The following MORC1 variants were observed in gnomAD, a reference collection of about 807,000 sequenced individuals.
MORC1 encodes the protein MORC family CW-type zinc finger 1, also known as MORC family CW-type zinc finger protein 1.
A neutral mutation model predicts 134.9 loss-of-function variants in MORC1; 59 were observed. The ratio of observed to expected loss-of-function variants is 0.44; its 90% CI spans 0.35 to 0.54. MORC1 has a LOEUF of 0.54. Among genes scored for constraint, MORC1 ranks in the 20% least tolerant of loss-of-function variants. The probability of loss-of-function intolerance (pLI) is 0.00; values close to 1 mark genes in which losing one functional copy is unlikely to be tolerated. For missense variants in MORC1, 947 were observed against 1,134.5 expected (o/e 0.83, Z 2.37); for synonymous variants, 395 against 391.7 (o/e 1.01, Z -0.10).
At chr3:109,114,319 T>C (rs1951227446) in intron 2 of MORC1, 65 bp downstream of exon 2, 2 of 1,354,000 alleles carry the variant, frequency 1.5e-6, no homozygotes, top group Non-Finnish European at 1.0e-6. Flanking sequence ...TATCTTCCCA[T>C]GTAATTAGAC....
rs1173555788 is a variant in MORC1 at position 109,072,954 on chromosome 3, CACACACACACAT to C, written c.690-3209_690-3198del. ...CCCTCAACACACACACACACACACA[CACACACACACAT>C]ACACACACACACACACACAGTCACA... is the stretch of plus-strand genomic sequence containing the variant. On this transcript the variant is annotated intron_variant, in intron 8 of 27. Coordinates refer to ENST00000232603, the MANE Select transcript of MORC1 (RefSeq NM_014429.4). Among the ~76,000 whole-genome samples, 460 of 59,384 alleles carry C rather than the reference CACACACACACAT, an allele frequency of 7.7e-3. 3 individuals carry two copies. Among genetic ancestry groups the C allele is most frequent in the African/African-American group, 0.018 (425 of 24,236 alleles). The allele number at this position is 59,384 out of a possible 152,430, so 39.0% of individuals were successfully genotyped here. A position where few individuals can be genotyped will look rare whatever the true frequency, so the allele number is the denominator to read the frequency against.
At chr3:109,032,577 G>C (rs1949265322) in intron 16 of MORC1, 143 bp downstream of exon 16, 1 of 604,350 alleles carries the variant, frequency 1.7e-6, no homozygotes, top group African/African-American at 1.9e-5. Context: ...CTTTGCACAG[G>C]TAGCAGGGCA....
intron 27 of MORC1, among the ~76,000 whole-genome samples, chr3:108,962,839 T>C (rs545411277): frequency 5.3e-5 from 8 of 152,278 alleles, no homozygotes; most frequent in African/African-American, 1.9e-4. Flanking sequence ...CTGACAGTAA[T>C]CCATACTTAC....
chr3:109,093,799 G>A (rs1016580675), intron 7 of MORC1, among the ~76,000 whole-genome samples: 7 of 152,114 alleles, frequency 4.6e-5, no homozygotes, highest in African/African-American at 1.7e-4. Flanking sequence ...TTTCAATGTG[G>A]ATTTTTAAAC....
chr3:109,070,781 T>C (rs1169891227), intron 8 of MORC1, among the ~76,000 whole-genome samples: 2 of 152,140 alleles, frequency 1.3e-5, no homozygotes, highest in Non-Finnish European at 2.9e-5. Context: ...TTTTCGAAAA[T>C]GAAGATGAAG....
intron 4 of MORC1, among the ~76,000 whole-genome samples, chr3:109,103,225 C>T (rs529863998): frequency 5.9e-5 from 9 of 152,268 alleles, no homozygotes; most frequent in Admixed American, 3.3e-4. Flanking sequence ...TAAAACAACC[C>T]AATGCCCTCA....
At chr3:109,026,573 A>G (rs1470460723) in intron 17 of MORC1, among the ~76,000 whole-genome samples, 3 of 152,228 alleles carry the variant, frequency 2.0e-5, no homozygotes, top group Non-Finnish European at 4.4e-5. Context: ...AGAGATGGCA[A>G]TAAAGATGCA....
At chr3:109,102,555 G>C (rs150090249) in intron 4 of MORC1, among the ~76,000 whole-genome samples, 1 of 152,048 alleles carries the variant, frequency 6.6e-6, no homozygotes, top group Admixed American at 6.6e-5. Context: ...TTTGAACAAC[G>C]GATAGATTCT....
Position 109,059,804 on chromosome 3 carries a change from A to G in MORC1, c.1031+2T>C, listed in dbSNP as rs1285376764. On this transcript the variant is annotated splice_donor_variant, in intron 12 of 27. Coordinates refer to ENST00000232603, the MANE Select transcript of MORC1 (RefSeq NM_014429.4). LOFTEE classifies it high-confidence loss of function. ...CTGCAAACAGAAAACCTTGTGTCTTACCTTTGTTTCTCTTTAAGATTCTTT... is the reference window on the plus strand; with the variant it reads ...CTGCAAACAGAAAACCTTGTGTCTTGCCTTTGTTTCTCTTTAAGATTCTTT... 1 of 1,611,040 alleles carries G rather than the reference A, an allele frequency of 6.2e-7. No individual in the cohort carries two copies. Among genetic ancestry groups the G allele is most frequent in the Non-Finnish European group, 8.5e-7 (1 of 1,178,246 alleles).
chr3:109,054,352 T>C (rs1209582261), intron 14 of MORC1, among the ~76,000 whole-genome samples: 1 of 151,894 alleles, frequency 6.6e-6, no homozygotes, highest in Non-Finnish European at 1.5e-5. Flanking sequence ...TGGTATGACA[T>C]AACAACATTA....
intron 21 of MORC1, among the ~76,000 whole-genome samples, chr3:108,998,758 C>T (rs868697442): frequency 2.6e-5 from 4 of 152,098 alleles, no homozygotes; most frequent in Non-Finnish European, 5.9e-5. Flanking sequence ...CTGGATAATA[C>T]GTGTTTATCC....
At chr3:109,012,573 T>G (rs1948716175) in intron 17 of MORC1, among the ~76,000 whole-genome samples, 1 of 152,342 alleles carries the variant, frequency 6.6e-6, no homozygotes, top group African/African-American at 2.4e-5. Context: ...CATTTATGTG[T>G]TTTATTTAAT....
chr3:108,979,622 G>C lies in MORC1; in HGVS notation c.2370C>G (p.His790Gln). The C allele has an allele frequency of 6.2e-7, 1 of 1,614,174 alleles. No homozygotes were observed. Among genetic ancestry groups the C allele is most frequent in the South Asian group, 1.1e-5 (1 of 91,082 alleles). Residue 790 changes from histidine (H) to glutamine (Q), a missense_variant, in exon 24 of 28, where the codon CAC becomes CAG. His to Gln is a conservative substitution (Grantham distance 24). Transcript: ENST00000232603. ...TGCCACTCACAGAAACTCTGGCTAT[G>C]TGTCCAGAACTTAGATTCACATCTT... ...PMEDVNLSSG[H>Q]IARVSVSGSC...
chr3:109,026,444 T>A (rs1949075215), intron 17 of MORC1, among the ~76,000 whole-genome samples: 2 of 152,288 alleles, frequency 1.3e-5, no homozygotes, highest in African/African-American at 4.8e-5. Context: ...ATTCTCTACC[T>A]CAATGATGAA....
At chr3:109,113,517 G>T (rs1402969568) in intron 2 of MORC1, among the ~76,000 whole-genome samples, 1 of 152,132 alleles carries the variant, frequency 6.6e-6, no homozygotes, top group Non-Finnish European at 1.5e-5. Context: ...TCAACCAGTG[G>T]CAGGGAATTT....
intron 14 of MORC1, among the ~76,000 whole-genome samples, chr3:109,053,213 G>T (rs1949871219): frequency 6.6e-6 from 1 of 151,990 alleles, no homozygotes; most frequent in African/African-American, 2.4e-5. Context: ...CCAGTCTGGA[G>T]ATTTCTTTAA....
intron 26 of MORC1, among the ~76,000 whole-genome samples, chr3:108,964,063 C>T (rs781200768): frequency 1.3e-5 from 2 of 152,210 alleles, no homozygotes; most frequent in African/African-American, 4.8e-5. Flanking sequence ...ACTTGTAAGG[C>T]AAGGCTGTAG....
intron 23 of MORC1, among the ~76,000 whole-genome samples, chr3:108,980,933 A>T (rs1208989222): frequency 6.6e-6 from 1 of 152,150 alleles, no homozygotes; most frequent in Non-Finnish European, 1.5e-5. Context: ...GGAGGGAACT[A>T]GAGTTTCTTT....
At chr3:109,014,733 A>G (rs1172779152) in intron 17 of MORC1, among the ~76,000 whole-genome samples, 1 of 152,190 alleles carries the variant, frequency 6.6e-6, no homozygotes, top group Non-Finnish European at 1.5e-5. Flanking sequence ...ATTTTGAGTA[A>G]ATAAAAATTT....
Sources: allele counts gnomAD v4.1 joint callset (sites outside exome capture counted in the v4.1 genomes callset), GRCh38; gene constraint gnomAD v4.1.1; transcripts MANE v1.5; gene names NCBI Gene and HGNC (gene_info 2026-07-23, HGNC 2026-07-21).